PIR: variants seen among roughly 807,000 people sequenced by gnomAD.
PIR encodes pirin.
Under a neutral mutation model 24.2 loss-of-function variants are expected in PIR, and 22 were observed. The ratio of observed to expected loss-of-function variants is 0.91; its 90% CI spans 0.65 to 1.30. The LOEUF (loss-of-function observed/expected upper bound fraction) is 1.30, where lower values mean the gene tolerates loss of function less well. PIR is among the 50% of genes most tolerant of loss of function. The pLI is 0.00. For synonymous variants in PIR, 80 were observed against 79.6 expected, an observed-to-expected ratio of 1.00 and a Z score of -0.03; for missense variants, 220 against 220.3, an observed-to-expected ratio of 1.00 and a Z score of 0.01.
intron 5 of PIR, among the ~76,000 whole-genome samples, chrX:15,430,735 A>T (rs1444195301): frequency 6.3e-5 from 7 of 111,992 alleles, no homozygotes; most frequent in Non-Finnish European, 1.3e-4. Context: ...CTCTGCTTTT[A>T]TTCATAAATG....
intron 5 of PIR, among the ~76,000 whole-genome samples, chrX:15,451,539 T>A (rs1203846660): frequency 8.9e-6 from 1 of 111,882 alleles, no homozygotes; most frequent in East Asian, 2.8e-4. Context: ...CTTATTTCAC[T>A]CATTCTTAAT....
chrX:15,437,429 G>A (rs1442098281), intron 5 of PIR, among the ~76,000 whole-genome samples: 1 of 111,611 alleles, frequency 9.0e-6, no homozygotes, highest in Non-Finnish European at 1.9e-5. Context: ...TGGAAGAGCT[G>A]AATGAATGAA....
At chrX:15,493,051 C>A in intron 1 of PIR, 139 bp downstream of exon 1, 1 of 112,600 alleles carries the variant, frequency 8.9e-6, no homozygotes, top group South Asian at 3.6e-4. Context: ...CCATTTTCAC[C>A]AAATTTCGTA....
Position 15,438,462 on chromosome X carries a change from G to A in PIR, c.481-12472C>T, listed in dbSNP as rs776168840. ...ATGTGAGCATGTGATTAAGAGCACA[G>A]ACCCTGGAGCCAGACCATCCAGTTA... On this transcript the variant is annotated intron_variant, in intron 5 of 9. Coordinates refer to ENST00000380420, the MANE Select transcript of PIR (RefSeq NM_001018109.3). Among the ~76,000 whole-genome samples, 4 of 112,512 alleles carry A rather than the reference G, an allele frequency of 3.6e-5. No individual in the cohort carries two copies. In the South Asian group the frequency reaches 1.5e-3, roughly 41 times the overall value.
chrX:15,464,755 C>A (rs1349579991), intron 3 of PIR, among the ~76,000 whole-genome samples: 1 of 112,434 alleles, frequency 8.9e-6, no homozygotes, highest in Non-Finnish European at 1.9e-5. Context: ...TCTAGAATTG[C>A]TTTGCTTTTC....
chrX:15,472,736 C>A (rs1268122416), intron 3 of PIR, among the ~76,000 whole-genome samples: 2 of 112,044 alleles, frequency 1.8e-5, no homozygotes, highest in Non-Finnish European at 3.8e-5. Context: ...CTGGAATCAG[C>A]AGTGATGGTT....
rs940253518 is a variant in PIR at position 15,438,761 on chromosome X, T to C, written c.481-12771A>G. Reference sequence around the variant, plus strand: ...ATCGTCTTGATTGTCCTCTCAGTGGTGGGAGTTCCAGAAGCTCCAGAGTCT... The same window carrying C: ...ATCGTCTTGATTGTCCTCTCAGTGGCGGGAGTTCCAGAAGCTCCAGAGTCT... On this transcript the variant is annotated intron_variant, in intron 5 of 9. Transcript: ENST00000380420. Among the ~76,000 whole-genome samples, 12 of 111,236 alleles carry C rather than the reference T, an allele frequency of 1.1e-4. No individual in the cohort carries two copies. In the Admixed American group the frequency reaches 1.1e-3, roughly 11 times the overall value.
chrX:15,407,513 C>T lies in PIR; in HGVS notation c.603G>A (p.Val201=). 8.3e-7 allele frequency: 1 copy of T among 1,200,050 alleles called. No individual in the cohort carries two copies. Among genetic ancestry groups the T allele is most frequent in the Non-Finnish European group, 1.1e-6 (1 of 884,856 alleles). Residue 201 remains valine (V), a synonymous_variant, in exon 7 of 10, where the codon GTG becomes GTA. Coordinates refer to ENST00000380420, the MANE Select transcript of PIR (RefSeq NM_001018109.3). The part of the protein sequence containing the change: ...TSFIYTISGD[V]YIGPDDAQQK... Reference sequence around the variant, plus strand: ...GACACAGCCATAACTTACCAATATACACATCTCCAGATATCGTGTAAATGA... The same window carrying T: ...GACACAGCCATAACTTACCAATATATACATCTCCAGATATCGTGTAAATGA...
chrX:15,408,138 G>C (rs1180880316), intron 6 of PIR, among the ~76,000 whole-genome samples: 1 of 111,350 alleles, frequency 9.0e-6, no homozygotes, highest in Non-Finnish European at 1.9e-5. Flanking sequence ...AAATTATTTA[G>C]TAGAGATGCG....
intron 3 of PIR, among the ~76,000 whole-genome samples, chrX:15,479,074 T>C (rs983081183): frequency 1.8e-5 from 2 of 112,294 alleles, no homozygotes; most frequent in African/African-American, 3.2e-5. Flanking sequence ...ATGTTACACA[T>C]TTTATTTCTG....
At chrX:15,433,248 A>C (rs1430661895) in intron 5 of PIR, among the ~76,000 whole-genome samples, 1 of 111,138 alleles carries the variant, frequency 9.0e-6, no homozygotes, top group Non-Finnish European at 1.9e-5. Flanking sequence ...CTCAGGACTG[A>C]GATCCAGGGA....
intron 6 of PIR, among the ~76,000 whole-genome samples, chrX:15,420,918 C>T (rs1463833327): frequency 9.0e-6 from 1 of 111,315 alleles, no homozygotes; most frequent in African/African-American, 3.3e-5. Flanking sequence ...ATAAATAGGA[C>T]GTAAAAGAGT....
At chrX:15,391,681 T>C (rs1419020141) in intron 8 of PIR, among the ~76,000 whole-genome samples, 1 of 112,012 alleles carries the variant, frequency 8.9e-6, no homozygotes, top group Non-Finnish European at 1.9e-5. Flanking sequence ...TGTGCCCTGG[T>C]AACTTAGTTA....
chrX:15,471,648 T>C (rs960301510), intron 3 of PIR, among the ~76,000 whole-genome samples: 10 of 111,394 alleles, frequency 9.0e-5, no homozygotes, highest in African/African-American at 2.6e-4. Context: ...ATCCAGAGAG[T>C]CAAATCTTAC....
intron 6 of PIR, among the ~76,000 whole-genome samples, chrX:15,422,974 A>G (rs1296075434): frequency 1.8e-5 from 2 of 111,858 alleles, no homozygotes; most frequent in African/African-American, 6.5e-5. Context: ...AAACAGACAC[A>G]TGGATCAATG....
intron 1 of PIR, 24 bp from the exon 2 acceptor site, chrX:15,491,333 A>G: frequency 3.1e-6 from 2 of 654,472 alleles, no homozygotes; most frequent in South Asian, 2.7e-5. Context: ...AACAAAAAAA[A>G]AAGAAGTCAT....
At chrX:15,442,164 C>T (rs1478283645) in intron 5 of PIR, among the ~76,000 whole-genome samples, 1 of 110,612 alleles carries the variant, frequency 9.0e-6, no homozygotes, top group Non-Finnish European at 1.9e-5. Context: ...GCTCACCTCA[C>T]ATCTCAATGT....
At chrX:15,388,869 A>T (rs1923860937) in intron 9 of PIR, among the ~76,000 whole-genome samples, 1 of 112,476 alleles carries the variant, frequency 8.9e-6, no homozygotes, top group African/African-American at 3.2e-5. Context: ...AAGTTAAAAA[A>T]TAAAAACAAA....
At chrX:15,446,976 A>G (rs1926126073) in intron 5 of PIR, among the ~76,000 whole-genome samples, 1 of 112,397 alleles carries the variant, frequency 8.9e-6, no homozygotes, top group Admixed American at 9.4e-5. Context: ...CGTTACTATC[A>G]ATGATTTAGA....
Sources: gnomAD v4.1 joint callset for allele counts (sites outside exome capture counted in the v4.1 genomes callset) on GRCh38, gnomAD v4.1.1 for gene constraint, MANE v1.5 for transcripts, NCBI Gene and HGNC (gene_info 2026-07-23, HGNC 2026-07-21) for gene names.